BMAL1: variants seen among roughly 807,000 people sequenced by gnomAD.
BMAL1 encodes basic helix-loop-helix ARNT like 1, also known as basic helix-loop-helix ARNT-like protein 1.
chr11:13,366,956 G>C, the BMAL1 span, among the ~76,000 whole-genome samples: 2 of 151,934 alleles, frequency 1.3e-5, no homozygotes, highest in Non-Finnish European at 2.9e-5. Flanking sequence ...TATGTTCTTT[G>C]GTCTTTTACA....
the BMAL1 span, among the ~76,000 whole-genome samples, chr11:13,286,869 C>A: frequency 6.6e-5 from 10 of 152,150 alleles, no homozygotes; most frequent in East Asian, 1.9e-3. Context: ...GTTATAAGTG[C>A]CCTTAGGGAA....
the BMAL1 span, among the ~76,000 whole-genome samples, chr11:13,334,528 G>GC: frequency 6.9e-6 from 1 of 145,598 alleles, no homozygotes; most frequent in Admixed American, 6.8e-5. Context: ...GGCTCTTGAT[G>GC]TTTTTTTTTT....
At chr11:13,381,407 A>G in the BMAL1 span, among the ~76,000 whole-genome samples, 1 of 152,314 alleles carries the variant, frequency 6.6e-6, no homozygotes, top group Middle Eastern at 3.4e-3. Flanking sequence ...GCTGGATACA[A>G]AGCATACTGG....
the BMAL1 span, among the ~76,000 whole-genome samples, chr11:13,298,885 C>T: frequency 5.9e-4 from 90 of 152,318 alleles, no homozygotes; most frequent in African/African-American, 2.1e-3. Flanking sequence ...CGGCATTTAT[C>T]ACACTGCAGT....
the BMAL1 span, among the ~76,000 whole-genome samples, chr11:13,287,844 A>T: frequency 6.6e-6 from 1 of 152,244 alleles, no homozygotes; most frequent in Non-Finnish European, 1.5e-5. Flanking sequence ...TAGGCATAGT[A>T]CTACACATGT....
the BMAL1 span, among the ~76,000 whole-genome samples, chr11:13,326,711 A>G: frequency 9.8e-6 from 1 of 102,126 alleles, no homozygotes; most frequent in Non-Finnish European, 2.1e-5. Flanking sequence ...ATAATATAGA[A>G]GATTATATAG....
chr11:13,353,410 A>G, the BMAL1 span: 4 of 152,296 alleles, frequency 2.6e-5, no homozygotes, highest in African/African-American at 7.2e-5. Context: ...AGTAGCTGCA[A>G]TCTTCTGCTA....
At chr11:13,364,797 G>T in the BMAL1 span, among the ~76,000 whole-genome samples, 18 of 152,240 alleles carry the variant, frequency 1.2e-4, no homozygotes, top group East Asian at 1.4e-3. Flanking sequence ...CTGAAGAAGG[G>T]GTAAGAAGAA....
chr11:13,381,914 T>C, the BMAL1 span, among the ~76,000 whole-genome samples: 2 of 152,202 alleles, frequency 1.3e-5, no homozygotes, highest in Non-Finnish European at 2.9e-5. Flanking sequence ...CTGATGCCAG[T>C]AGAGCTTAGG....
At chr11:13,333,657 C>A in the BMAL1 span, among the ~76,000 whole-genome samples, 1 of 152,228 alleles carries the variant, frequency 6.6e-6, no homozygotes, top group Non-Finnish European at 1.5e-5. Context: ...GCAGTGGCTG[C>A]CCATGACAGG....
chr11:13,283,907 C>A, the BMAL1 span, among the ~76,000 whole-genome samples: 6 of 151,782 alleles, frequency 4.0e-5, no homozygotes, highest in Non-Finnish European at 8.8e-5. Flanking sequence ...CCAGGCAGCT[C>A]CTTGTGTGAG....
the BMAL1 span, chr11:13,380,387 AGAGTCCTGT>A: frequency 1.3e-5 from 2 of 152,012 alleles, no homozygotes; most frequent in African/African-American, 4.9e-5. Context: ...GTAGGAGCTG[AGAGTCCTGT>A]GGTTACACAA....
the BMAL1 span, chr11:13,356,668 C>G: frequency 2.5e-6 from 4 of 1,573,726 alleles, no homozygotes; most frequent in African/African-American, 4.1e-5. Flanking sequence ...TGAGAGCCTT[C>G]TGTCTTATGA....
At chr11:13,316,840 G>A in the BMAL1 span, among the ~76,000 whole-genome samples, 1 of 152,222 alleles carries the variant, frequency 6.6e-6, no homozygotes, top group Non-Finnish European at 1.5e-5. Context: ...AACTGAGATG[G>A]GCTTAAAGTG....
chr11:13,357,364 T>C, the BMAL1 span, among the ~76,000 whole-genome samples: 1 of 152,270 alleles, frequency 6.6e-6, no homozygotes, highest in African/African-American at 2.4e-5. This position sits in a 1 kb window ranked among gnomAD's most constrained non-coding sequence, Gnocchi z 4.8. Flanking sequence ...GCTCAAGTTT[T>C]TCCCCAGTCT....
the BMAL1 span, among the ~76,000 whole-genome samples, chr11:13,337,412 G>A: frequency 6.6e-6 from 1 of 151,998 alleles, no homozygotes; most frequent in Non-Finnish European, 1.5e-5. Flanking sequence ...TTTATTAAAT[G>A]TATATCTATT....
chr11:13,317,899 G>C, the BMAL1 span, among the ~76,000 whole-genome samples: 1 of 152,236 alleles, frequency 6.6e-6, no homozygotes, highest in Non-Finnish European at 1.5e-5. Context: ...CATCTGGCTT[G>C]CAGATGTGTT....
At chr11:13,286,274 T>A in the BMAL1 span, among the ~76,000 whole-genome samples, 2 of 152,208 alleles carry the variant, frequency 1.3e-5, no homozygotes, top group Non-Finnish European at 2.9e-5. Flanking sequence ...TCTCCTACTG[T>A]ATTTTCAGTC....
the BMAL1 span, among the ~76,000 whole-genome samples, chr11:13,383,324 G>C: frequency 6.6e-6 from 1 of 152,146 alleles, no homozygotes. Context: ...GGGGGCACAA[G>C]ATCCTTTTAA....
Sources: allele counts gnomAD v4.1 joint callset (sites outside exome capture counted in the v4.1 genomes callset), GRCh38; gene constraint gnomAD v4.1.1; non-coding constraint Gnocchi (gnomAD v3.1); transcripts MANE v1.5; gene names NCBI Gene and HGNC (gene_info 2026-07-23, HGNC 2026-07-21).